The following RBFOX2 variants were observed in gnomAD, a reference collection of about 807,000 sequenced individuals.
The protein encoded by RBFOX2 is RNA binding protein fox-1 homolog 2.
Under a neutral mutation model 49.1 loss-of-function variants are expected in RBFOX2, and 10 were observed. The observed-to-expected ratio is 0.20, with a 90% CI of 0.13 to 0.35. The LOEUF (loss-of-function observed/expected upper bound fraction) is 0.35. Among genes scored for constraint, RBFOX2 ranks in the 10% least tolerant of loss-of-function variants. The pLI is 1.00. For synonymous variants in RBFOX2, 183 were observed against 187.4 expected, an observed-to-expected ratio of 0.98 and a Z score of 0.19; for missense variants, 323 against 486.9, an observed-to-expected ratio of 0.66 and a Z score of 3.17.
chr22:35,800,680 A>G (rs2147859214), intron 2 of RBFOX2, among the ~76,000 whole-genome samples: 1 of 151,078 alleles, frequency 6.6e-6, no homozygotes, highest in South Asian at 2.1e-4. Context: ...CAGAACTGCC[A>G]TAATACAATT....
rs548459820 is a variant in RBFOX2 at position 36,028,330 on chromosome 22, C to A, written c.96G>T (p.Val32=). The change falls in exon 1 of 14, where the codon GTG becomes GTT. Residue 32 remains valine, a synonymous_variant. Coordinates refer to the RBFOX2 transcript ENST00000438146. ...CGGCTCCGTCTCCTCCCGCTCCGGG[C>A]ACCGGCAGCTCCAGCTCCGACTCCC... The A allele has an allele frequency of 3.4e-4, 512 of 1,503,082 alleles. No homozygotes were observed. Among genetic ancestry groups the A allele is most frequent in the Non-Finnish European group, 4.1e-4 (470 of 1,133,074 alleles). The allele number at this position is 1,503,082 out of a possible 1,614,324, so 93.1% of individuals were successfully genotyped here. A position where few individuals can be genotyped will look rare whatever the true frequency, so the allele number is the denominator to read the frequency against.
intron 1 of RBFOX2, among the ~76,000 whole-genome samples, chr22:35,853,792 C>T (rs770688196): frequency 6.6e-6 from 1 of 151,802 alleles, no homozygotes; most frequent in Non-Finnish European, 1.5e-5. Flanking sequence ...AATTTCCAAT[C>T]GTTCATACAC....
At chr22:36,015,892 TGTAA>T (rs2059015915) in intron 1 of RBFOX2, among the ~76,000 whole-genome samples, 1 of 152,222 alleles carries the variant, frequency 6.6e-6, no homozygotes, top group South Asian at 2.1e-4. Flanking sequence ...AACTTTAGGC[TGTAA>T]GTGTGACTGT....
At chr22:35,821,601 CCAAAAAAAAAAAA>C (rs1954508747) in intron 1 of RBFOX2, among the ~76,000 whole-genome samples, 1 of 46,794 alleles carries the variant, frequency 2.1e-5, no homozygotes, top group African/African-American at 7.6e-5. Flanking sequence ...GACTCCGTCT[CCAAAAAAAAAAAA>C]AAAAAAAAAA....
At chr22:36,028,483 C>G (rs1055708587) in exon 1 of RBFOX2, 1 of 1,122,244 alleles carries the variant, frequency 8.9e-7, no homozygotes, top group African/African-American at 1.7e-5. Context: ...CCACCTCCCC[C>G]TGGGCCTCGG....
intron 1 of RBFOX2, chr22:35,821,770 C>T (rs765318214): frequency 1.9e-6 from 1 of 518,772 alleles, no homozygotes; most frequent in Non-Finnish European, 3.8e-6. Flanking sequence ...CAAGCTTTGG[C>T]AACACATACT....
chr22:35,837,524 C>T (rs1049354239), intron 1 of RBFOX2, among the ~76,000 whole-genome samples: 1 of 152,154 alleles, frequency 6.6e-6, no homozygotes, highest in African/African-American at 2.4e-5. Context: ...CACACACACA[C>T]ACGCAGGCAC....
intron 1 of RBFOX2, among the ~76,000 whole-genome samples, chr22:35,850,165 C>T (rs952487645): frequency 4.7e-5 from 7 of 150,240 alleles, no homozygotes; most frequent in Non-Finnish European, 1.0e-4. Flanking sequence ...CCCGTGTGCA[C>T]GCATGCGCAT....
chr22:35,945,986 T>C (rs1057260815), intron 1 of RBFOX2, among the ~76,000 whole-genome samples: 1 of 152,180 alleles, frequency 6.6e-6, no homozygotes, highest in Admixed American at 6.5e-5. Context: ...CCCTCCACAT[T>C]TACCGCTCCC....
At chr22:35,922,734 T>C (rs1290781174) in intron 1 of RBFOX2, among the ~76,000 whole-genome samples, 1 of 152,074 alleles carries the variant, frequency 6.6e-6, no homozygotes, top group Non-Finnish European at 1.5e-5. Flanking sequence ...CATATAAAAA[T>C]TATATGAAAT....
At chr22:35,903,060 A>T (rs1307584509) in intron 1 of RBFOX2, among the ~76,000 whole-genome samples, 1 of 152,102 alleles carries the variant, frequency 6.6e-6, no homozygotes, top group Non-Finnish European at 1.5e-5. Flanking sequence ...AATGAACCCT[A>T]ATTTTTTTAA....
intron 1 of RBFOX2, among the ~76,000 whole-genome samples, chr22:35,895,841 C>T (rs771472839): frequency 8.5e-5 from 13 of 152,158 alleles, no homozygotes; most frequent in South Asian, 6.2e-4. Context: ...GATATAACTA[C>T]GTAAACTGTC....
intron 1 of RBFOX2, among the ~76,000 whole-genome samples, chr22:36,008,547 T>C (rs1351769229): frequency 1.3e-5 from 2 of 152,214 alleles, no homozygotes; most frequent in Admixed American, 1.3e-4. Flanking sequence ...CCAAGAGCAG[T>C]GGCTCATGCT....
upstream of RBFOX2, among the ~76,000 whole-genome samples, chr22:35,841,933 C>T (rs1362316251): frequency 6.6e-6 from 1 of 152,198 alleles, no homozygotes; most frequent in Non-Finnish European, 1.5e-5. Context: ...TGTCTCATAC[C>T]TGTAATCCCA....
chr22:35,985,922 A>G (rs5750209), intron 1 of RBFOX2, among the ~76,000 whole-genome samples: 2 of 150,034 alleles, frequency 1.3e-5, no homozygotes, highest in African/African-American at 2.5e-5. Flanking sequence ...ATAGATAGAT[A>G]GATAGATAGA....
intron 2 of RBFOX2, among the ~76,000 whole-genome samples, chr22:35,809,536 G>C (rs980321801): frequency 1.1e-4 from 17 of 152,170 alleles, no homozygotes; most frequent in African/African-American, 4.1e-4. Flanking sequence ...GTTGAACAGA[G>C]AAGGAGGCAG....
rs376707088 is a variant in RBFOX2, at chr22:35,744,140, A to T, written c.*55T>A. 7 of 1,422,734 alleles carry T rather than the reference A, an allele frequency of 4.9e-6. No individual in the cohort carries two copies. In the East Asian group the frequency reaches 1.7e-4, roughly 34 times the overall value. The allele number at this position is 1,422,734 out of a possible 1,614,324, so 88.1% of individuals were successfully genotyped here. ...TTGCTATAGAGTTCCTCTACTAGTA[A>T]ATATTGCAATAGCCAGGCCTCATGA... On this transcript the variant is annotated 3_prime_UTR_variant, in exon 12 of 12. Transcript: ENST00000405409.
Position 35,781,823 on chromosome 22 carries a change from T to C in RBFOX2, c.253-77A>G, listed in dbSNP as rs1388824926. 2.2e-5 allele frequency: 35 copies of C among 1,581,630 alleles called. No homozygotes were observed. In the East Asian group the frequency reaches 6.3e-4, roughly 28 times the overall value. On this transcript the variant is annotated intron_variant, in intron 2 of 11. Transcript: ENST00000405409. ...TAAAGTTATCCCCCCACAGCAATCA[T>C]CCCCAAACAGGGTATGTTTAAGCAA...
chr22:35,784,553 A>G (rs1262007592), intron 2 of RBFOX2, among the ~76,000 whole-genome samples: 1 of 152,234 alleles, frequency 6.6e-6, no homozygotes, highest in Non-Finnish European at 1.5e-5. Context: ...TCAGGCAGTC[A>G]TTCAGGTAGA....
Sources: gnomAD v4.1 joint callset for allele counts (sites outside exome capture counted in the v4.1 genomes callset) on GRCh38, gnomAD v4.1.1 for gene constraint, MANE v1.5 for transcripts, NCBI Gene and HGNC (gene_info 2026-07-23, HGNC 2026-07-21) for gene names.